RASGRP3: variants seen among roughly 807,000 people sequenced by gnomAD.
The protein encoded by RASGRP3 is RAS guanyl releasing protein 3, also known as ras guanyl-releasing protein 3.
A neutral mutation model predicts 82.7 loss-of-function variants in RASGRP3; 54 were observed. That is an observed-to-expected ratio of 0.65 (90% CI 0.52 to 0.82). RASGRP3 has a LOEUF of 0.82. Among genes scored for constraint, RASGRP3 ranks in the 40% least tolerant of loss-of-function variants. The pLI is 0.00. For missense variants in RASGRP3, 861 were observed against 828.9 expected (o/e 1.04, Z -0.48); for synonymous variants, 309 against 300.5 (o/e 1.03, Z -0.29).
intron 15 of RASGRP3, among the ~76,000 whole-genome samples, chr2:33,557,918 C>T (rs1676182143): frequency 6.6e-6 from 1 of 152,122 alleles, no homozygotes; most frequent in Non-Finnish European, 1.5e-5. Context: ...GGCAACTGAC[C>T]TCTCAGGCTG....
chr2:33,481,324 G>C (rs533687776), intron 1 of RASGRP3: 29 of 152,258 alleles, frequency 1.9e-4, no homozygotes, highest in African/African-American at 6.5e-4. Context: ...ACCACGCCTG[G>C]CTAATTTTTT....
In RASGRP3 at chr2:33,515,150, G is replaced by T; in HGVS notation, c.14G>T (p.Gly5Val). 6.2e-7 allele frequency: 1 copy of T among 1,613,900 alleles called. No homozygotes were observed. The highest frequency in any genetic ancestry group is 8.5e-7 in the Non-Finnish European group (1 of 1,179,836). MGSS[G>V]LGKAATLDEL... is the part of the protein sequence containing the mutation. ...GGCTAAATAACCATGGGATCAAGTG[G>T]CCTTGGGAAAGCAGCAACATTAGAT... The change falls in exon 3 of 18, where the codon GGC becomes GTC. Residue 5 changes from glycine to valine, a missense_variant. Transcript: ENST00000403687.
At chr2:33,462,267 C>A (rs1438603789) in intron 2 of RASGRP3, among the ~76,000 whole-genome samples, 1 of 151,844 alleles carries the variant, frequency 6.6e-6, no homozygotes, top group African/African-American at 2.4e-5. Context: ...CAAAAGGAGG[C>A]CTGTGTTGAT....
chr2:33,468,806 A>G (rs1666872282), intron 2 of RASGRP3, among the ~76,000 whole-genome samples: 1 of 152,220 alleles, frequency 6.6e-6, no homozygotes, highest in South Asian at 2.1e-4. Context: ...TTCTTAGTAT[A>G]AGTAATGCTG....
At chr2:33,493,662 C>G in intron 1 of RASGRP3, among the ~76,000 whole-genome samples, 1 of 151,898 alleles carries the variant, frequency 6.6e-6, no homozygotes, top group East Asian at 1.9e-4. Context: ...CACAGACATC[C>G]AGACCTGCTT....
At chr2:33,458,600 C>G (rs1049551372) in intron 2 of RASGRP3, among the ~76,000 whole-genome samples, 1 of 152,160 alleles carries the variant, frequency 6.6e-6, no homozygotes, top group African/African-American at 2.4e-5. Flanking sequence ...CCCCTTGTCC[C>G]TGTTTAGATA....
intron 7 of RASGRP3, among the ~76,000 whole-genome samples, chr2:33,522,825 T>A (rs572843718): frequency 4.5e-4 from 69 of 152,304 alleles, no homozygotes; most frequent in African/African-American, 1.5e-3. Flanking sequence ...AAGAAGACTG[T>A]CTTGGTTAGA....
At chr2:33,559,817 C>T (rs928789110) in intron 17 of RASGRP3, among the ~76,000 whole-genome samples, 1 of 152,176 alleles carries the variant, frequency 6.6e-6, no homozygotes, top group African/African-American at 2.4e-5. Context: ...AGCCAGTGCT[C>T]TTTAGTCTTA....
In RASGRP3 at chr2:33,558,194, C is replaced by T; in HGVS notation, c.1580-17C>T. 1.2e-6 allele frequency: 2 copies of T among 1,607,526 alleles called. No homozygotes were observed. Among genetic ancestry groups the T allele is most frequent in the Non-Finnish European group, 1.7e-6 (2 of 1,176,918 alleles). ...TCAGACACACTAATCATCTGCGACA[C>T]CCTTGGAATTTTTCAGACTGTGGAG... On this transcript the variant is annotated splice_polypyrimidine_tract_variant and intron_variant, in intron 15 of 17. Transcript: ENST00000403687.
intron 14 of RASGRP3, among the ~76,000 whole-genome samples, chr2:33,552,710 A>G (rs1173027164): frequency 6.6e-6 from 1 of 152,230 alleles, no homozygotes; most frequent in African/African-American, 2.4e-5. Flanking sequence ...TTACTTTAGA[A>G]TTAGAATTCC....
At chr2:33,459,214 A>G (rs1666215378) in intron 2 of RASGRP3, among the ~76,000 whole-genome samples, 1 of 152,022 alleles carries the variant, frequency 6.6e-6, no homozygotes, top group African/African-American at 2.4e-5. Context: ...GGCTCACTGC[A>G]AGCTCTGCCT....
intron 1 of RASGRP3, among the ~76,000 whole-genome samples, chr2:33,447,436 G>T (rs566013019): frequency 1.5e-5 from 2 of 134,186 alleles, no homozygotes; most frequent in East Asian, 3.9e-4. Context: ...CTTGGAGTGT[G>T]CACATTTTTT....
chr2:33,454,070 C>A (rs897503), intron 2 of RASGRP3, among the ~76,000 whole-genome samples: 1 of 151,350 alleles, frequency 6.6e-6, no homozygotes, highest in African/African-American at 2.4e-5. Context: ...TTTTTAAAAG[C>A]CATACATAGT....
rs761302748 is a variant in RASGRP3, at chr2:33,539,149, TA to T, written c.1218del (p.Val408Ter). On this transcript the variant is annotated frameshift_variant, in exon 12 of 18. Coordinates refer to ENST00000403687, the MANE Select transcript of RASGRP3 (RefSeq NM_001139488.2). LOFTEE classifies it high-confidence loss of function. The stretch of plus-strand genomic sequence containing the variant: ...CCTGTGGTACCCCTGGAGTGGGCAT[TA>T]GGGGTGATGCCAAAGCCAGACCCCA... ...NKPVVPLEWA[L>X]GVMPKPDPTV... is the part of the protein sequence containing the mutation. 21 of 1,612,164 alleles carry T rather than the reference TA, an allele frequency of 1.3e-5. No individual in the cohort carries two copies. The highest frequency in any genetic ancestry group is 1.7e-5 in the Admixed American group (1 of 59,776).
chr2:33,552,949 C>T (rs1231096918), intron 14 of RASGRP3, among the ~76,000 whole-genome samples: 1 of 152,138 alleles, frequency 6.6e-6, no homozygotes, highest in Non-Finnish European at 1.5e-5. Flanking sequence ...TCCTGCATAC[C>T]CATCCACATG....
intron 1 of RASGRP3, among the ~76,000 whole-genome samples, chr2:33,440,744 G>T (rs1232083053): frequency 6.6e-6 from 1 of 152,068 alleles, no homozygotes; most frequent in Non-Finnish European, 1.5e-5. Context: ...GTGAAATAAA[G>T]ATTATGATGA....
intron 13 of RASGRP3, among the ~76,000 whole-genome samples, chr2:33,549,212 T>C (rs921024817): frequency 6.6e-6 from 1 of 152,214 alleles, no homozygotes; most frequent in Non-Finnish European, 1.5e-5. Context: ...GCCCAGTTAT[T>C]ACAGTTCTCT....
At chr2:33,474,524 A>T (rs1437010878), upstream of RASGRP3, among the ~76,000 whole-genome samples, 1 of 152,112 alleles carries the variant, frequency 6.6e-6, no homozygotes, top group African/African-American at 2.4e-5. Flanking sequence ...GCTGGTCTCA[A>T]ACTCCTGACC....
At chr2:33,505,810 C>T (rs1402227871) in intron 1 of RASGRP3, among the ~76,000 whole-genome samples, 1 of 152,124 alleles carries the variant, frequency 6.6e-6, no homozygotes, top group Non-Finnish European at 1.5e-5. Context: ...ATCTGGAAGC[C>T]ATCCAACTGC....
Sources: gnomAD v4.1 joint callset for allele counts (sites outside exome capture counted in the v4.1 genomes callset) on GRCh38, gnomAD v4.1.1 for gene constraint, MANE v1.5 for transcripts, NCBI Gene and HGNC (gene_info 2026-07-23, HGNC 2026-07-21) for gene names.